PSD3: variants seen among roughly 807,000 people sequenced by gnomAD.
PSD3 encodes the protein PH and SEC7 domain-containing protein 3.
PSD3 carries 49 observed loss-of-function variants against 105.5 expected under a neutral mutation model. The observed-to-expected ratio is 0.46, with a 90% CI of 0.37 to 0.59. The LOEUF (loss-of-function observed/expected upper bound fraction) is 0.59, where lower values mean the gene tolerates loss of function less well. Among genes scored for constraint, PSD3 ranks in the 20% least tolerant of loss-of-function variants. The pLI is 0.00. For synonymous variants in PSD3, 557 were observed against 457.8 expected (o/e 1.22, Z -2.77); for missense variants, 1,561 against 1,263.8 (o/e 1.24, Z -3.57).
At chr8:18,650,877 G>A (rs1049812246) in intron 10 of PSD3, among the ~76,000 whole-genome samples, 3 of 152,116 alleles carry the variant, frequency 2.0e-5, no homozygotes, top group East Asian at 1.9e-4. Context: ...TTTATAAGAC[G>A]GGGTGGCTAC....
At chr8:18,757,298 C>CAT (rs765427911) in intron 9 of PSD3, among the ~76,000 whole-genome samples, 55 of 123,080 alleles carry the variant, frequency 4.5e-4, no homozygotes, top group Middle Eastern at 4.1e-3. Context: ...ACCAAAAATA[C>CAT]AAAAAAAAAA....
chr8:19,062,274 C>CA (rs1457395829), intron 1 of PSD3, among the ~76,000 whole-genome samples: 1 of 152,166 alleles, frequency 6.6e-6, no homozygotes, highest in East Asian at 1.9e-4. Context: ...GGAATCCTGG[C>CA]AGTCAAACAT....
In PSD3 at chr8:18,739,339, T is replaced by C. The variant is rs575654181; in HGVS notation, c.2172+26110A>G. Among the ~76,000 whole-genome samples, 442 of 152,256 alleles carry C rather than the reference T, an allele frequency of 2.9e-3. 4 individuals are homozygous for C. Among genetic ancestry groups the C allele is most frequent in the African/African-American group, 0.01 (422 of 41,552 alleles). ...AATAGGTGTTCCCATACTTAATTAT[T>C]AGTTATAAACTCGCTGTTGAAATAC... is the stretch of plus-strand genomic sequence containing the variant. On this transcript the variant is annotated intron_variant, in intron 9 of 15. Coordinates refer to ENST00000327040, the MANE Select transcript of PSD3 (RefSeq NM_015310.4).
chr8:18,828,322 C>T (rs187966914), intron 4 of PSD3, among the ~76,000 whole-genome samples: 1 of 152,062 alleles, frequency 6.6e-6, no homozygotes, highest in Non-Finnish European at 1.5e-5. Context: ...CTGGTTCTTC[C>T]ATTGAAGGCT....
intron 1 of PSD3, among the ~76,000 whole-genome samples, chr8:19,062,417 G>C (rs1035668109): frequency 6.6e-5 from 10 of 152,116 alleles, no homozygotes; most frequent in African/African-American, 2.4e-4. Context: ...TTGCAGATGA[G>C]GAAACTGAAA....
intron 12 of PSD3, among the ~76,000 whole-genome samples, chr8:18,580,044 G>A (rs543318328): frequency 2.6e-5 from 4 of 152,132 alleles, no homozygotes; most frequent in Non-Finnish European, 5.9e-5. Context: ...TTTGAAACTG[G>A]CATTAAAAAT....
intron 9 of PSD3, among the ~76,000 whole-genome samples, chr8:18,719,841 C>A (rs934611308): frequency 6.6e-6 from 1 of 152,104 alleles, no homozygotes; most frequent in African/African-American, 2.4e-5. Flanking sequence ...GATAGCAAAA[C>A]TCTGTATATT....
intron 11 of PSD3, among the ~76,000 whole-genome samples, chr8:18,612,010 G>C (rs1248095246): frequency 6.6e-6 from 1 of 152,110 alleles, no homozygotes; most frequent in Non-Finnish European, 1.5e-5. Flanking sequence ...GTCTAAGGTG[G>C]AATGTTAAAT....
rs1003462263 is a variant in PSD3, at chr8:18,776,362, C to A, written c.2083-10824G>T. Among the ~76,000 whole-genome samples, 8 of 142,198 alleles carry A rather than the reference C, an allele frequency of 5.6e-5. No homozygotes were observed. In the East Asian group the frequency reaches 1.9e-3, roughly 34 times the overall value. 93.3% of individuals were successfully genotyped at this position (142,198 alleles called of 152,430 possible). On this transcript the variant is annotated intron_variant, in intron 8 of 15. Coordinates refer to ENST00000327040, the MANE Select transcript of PSD3 (RefSeq NM_015310.4). Reference sequence around the variant, plus strand: ...ATATATAGTATAAAAATATATATATCTAAATATATGTATATATATAATTTT... The same window carrying A: ...ATATATAGTATAAAAATATATATATATAAATATATGTATATATATAATTTT...
intron 9 of PSD3, among the ~76,000 whole-genome samples, chr8:18,667,956 G>A (rs908666657): frequency 6.6e-6 from 1 of 152,234 alleles, no homozygotes; most frequent in Non-Finnish European, 1.5e-5. Context: ...CGAGGCCAGC[G>A]GCACCGGCCG....
intron 4 of PSD3, among the ~76,000 whole-genome samples, chr8:18,837,096 C>G (rs892017340): frequency 2.6e-5 from 4 of 152,030 alleles, no homozygotes; most frequent in Admixed American, 2.0e-4. Flanking sequence ...GAGTGAGGAG[C>G]TATGGTCAGA....
At chr8:18,551,290 C>G (rs1218123516) in intron 15 of PSD3, among the ~76,000 whole-genome samples, 1 of 152,300 alleles carries the variant, frequency 6.6e-6, no homozygotes, top group South Asian at 2.1e-4. Context: ...CTACCCAACG[C>G]TACTGACTAT....
intron 8 of PSD3, among the ~76,000 whole-genome samples, chr8:18,783,664 T>C (rs1316495711): frequency 6.6e-6 from 1 of 152,234 alleles, no homozygotes; most frequent in African/African-American, 2.4e-5. Context: ...GACGTAGTCT[T>C]GCTCTGTTGC....
chr8:18,961,765 A>T (rs1032883380), intron 1 of PSD3, among the ~76,000 whole-genome samples: 4 of 152,162 alleles, frequency 2.6e-5, no homozygotes, highest in Non-Finnish European at 5.9e-5. Context: ...CCATAAAGAT[A>T]TTTTATTTGT....
intron 2 of PSD3, among the ~76,000 whole-genome samples, chr8:18,897,629 C>A (rs893238155): frequency 5.3e-5 from 8 of 152,158 alleles, no homozygotes; most frequent in African/African-American, 1.9e-4. Context: ...TCTCCCAATT[C>A]ATGAAAATGC....
intron 1 of PSD3, among the ~76,000 whole-genome samples, chr8:19,081,816 C>A (rs748493678): frequency 3.3e-5 from 5 of 152,076 alleles, no homozygotes; most frequent in African/African-American, 4.8e-5. Context: ...CTCTTCAGAT[C>A]CAGGATTTTC....
At chr8:18,781,275 A>G (rs1808596791) in intron 8 of PSD3, among the ~76,000 whole-genome samples, 1 of 152,206 alleles carries the variant, frequency 6.6e-6, no homozygotes, top group Non-Finnish European at 1.5e-5. Flanking sequence ...GCTATAATCA[A>G]TGCCCTTAAG....
chr8:18,538,185 C>A (rs2129934266), intron 15 of PSD3, among the ~76,000 whole-genome samples: 1 of 152,302 alleles, frequency 6.6e-6, no homozygotes, highest in East Asian at 1.9e-4. Flanking sequence ...TAATAAATAT[C>A]CTATGGGTTA....
At chr8:18,729,866 T>G (rs527267996) in intron 9 of PSD3, among the ~76,000 whole-genome samples, 9 of 152,272 alleles carry the variant, frequency 5.9e-5, no homozygotes, top group African/African-American at 2.2e-4. Context: ...CTAATTCAAT[T>G]TCTCTTACCA....
Sources: allele counts gnomAD v4.1 joint callset (sites outside exome capture counted in the v4.1 genomes callset), GRCh38; gene constraint gnomAD v4.1.1; transcripts MANE v1.5; gene names NCBI Gene and HGNC (gene_info 2026-07-23, HGNC 2026-07-21).